Variants in NFIB observed in about 807,000 individuals in gnomAD.
The protein encoded by NFIB is nuclear factor 1 B-type.
In NFIB, 11 loss-of-function variants were observed where a neutral mutation model predicts 61.5. The observed-to-expected ratio is 0.18, with a 90% confidence interval of 0.11 to 0.30. The LOEUF is 0.30. Among genes scored for constraint, NFIB ranks in the 10% least tolerant of loss-of-function variants. The probability of loss-of-function intolerance (pLI) is 1.00; values close to 1 mark genes in which losing one functional copy is unlikely to be tolerated. For synonymous variants in NFIB, 260 were observed against 216.5 expected (o/e 1.20, Z -1.76); for missense variants, 471 against 608.9 (o/e 0.77, Z 2.38).
intron 1 of NFIB, among the ~76,000 whole-genome samples, chr9:14,373,786 T>A (rs193091766): frequency 6.6e-6 from 1 of 152,234 alleles, no homozygotes; most frequent in Admixed American, 6.5e-5. Flanking sequence ...GAATCTTATC[T>A]AACATTTGGG....
chr9:14,280,832 C>T (rs1038635908), intron 2 of NFIB, among the ~76,000 whole-genome samples: 4 of 151,896 alleles, frequency 2.6e-5, no homozygotes, highest in South Asian at 4.2e-4. Context: ...GACTACAGAC[C>T]GAACTGATAA....
chr9:14,383,782 G>A (rs2061517472), intron 1 of NFIB, among the ~76,000 whole-genome samples: 1 of 152,210 alleles, frequency 6.6e-6, no homozygotes, highest in Non-Finnish European at 1.5e-5. Flanking sequence ...CCACCTTGTG[G>A]AATGCAAACT....
chr9:14,176,225 T>C (rs2046172470), intron 3 of NFIB, among the ~76,000 whole-genome samples: 1 of 151,034 alleles, frequency 6.6e-6, no homozygotes, highest in Non-Finnish European at 1.5e-5. Flanking sequence ...AGGACATTTT[T>C]AGTTCTATTG....
chr9:14,496,211 A>C, the NFIB span, among the ~76,000 whole-genome samples: 2 of 152,232 alleles, frequency 1.3e-5, no homozygotes, highest in Non-Finnish European at 2.9e-5. Context: ...GAATATTTGC[A>C]TGTCTATAGT....
At chr9:14,349,141 T>C (rs1217855552) in intron 1 of NFIB, among the ~76,000 whole-genome samples, 4 of 152,230 alleles carry the variant, frequency 2.6e-5, no homozygotes, top group African/African-American at 9.6e-5. Context: ...TTAAACAATC[T>C]AACTGAATGG....
rs1160641423 is a variant in NFIB, at chr9:14,084,003, A to C, written c.*4306T>G. ...TTCGACATTCTGAAATGCTCTGGAA[A>C]CCAACTTTTCCAATACTAAATACAA... On this transcript the variant is annotated 3_prime_UTR_variant, in exon 11 of 11. Coordinates refer to ENST00000380953, the MANE Select transcript of NFIB (RefSeq NM_001190737.2). 1 of 217,664 alleles carries C rather than the reference A, an allele frequency of 4.6e-6. No homozygotes were observed. Among genetic ancestry groups the C allele is most frequent in the Non-Finnish European group, 9.2e-6 (1 of 108,132 alleles). 13.5% of individuals were successfully genotyped at this position (217,664 alleles called of 1,614,324 possible).
intron 2 of NFIB, among the ~76,000 whole-genome samples, chr9:14,209,692 C>G (rs549412248): frequency 6.6e-6 from 1 of 152,312 alleles, no homozygotes; most frequent in South Asian, 2.1e-4. Context: ...ATGCATCCTA[C>G]CACAACCCAA....
chr9:14,121,847 G>A (rs2038981772), intron 7 of NFIB, among the ~76,000 whole-genome samples: 1 of 152,020 alleles, frequency 6.6e-6, no homozygotes, highest in South Asian at 2.1e-4. Context: ...CTCAACATTA[G>A]TATTCTTATA....
In NFIB at chr9:14,250,628, G is replaced by C. The variant is rs117882883; in HGVS notation, c.562+56361C>G. The stretch of plus-strand genomic sequence containing the variant: ...TTATGTCATAGTTACCTAGAGAAAA[G>C]AGAGTATGCCTTAGGAAATATTCCA... On this transcript the variant is annotated intron_variant, in intron 2 of 10. Coordinates refer to ENST00000380953, the MANE Select transcript of NFIB (RefSeq NM_001190737.2). Among the ~76,000 whole-genome samples, 1,089 of 152,322 alleles carry C rather than the reference G, an allele frequency of 7.1e-3. 5 individuals carry two copies. Among genetic ancestry groups the C allele is most frequent in the Non-Finnish European group, 0.012 (795 of 68,028 alleles).
At chr9:14,316,042 C>G (rs1164579814), upstream of NFIB, among the ~76,000 whole-genome samples, 5 of 152,130 alleles carry the variant, frequency 3.3e-5, no homozygotes, top group Non-Finnish European at 7.4e-5. Context: ...TTTAGCCCCT[C>G]TCACTCCCTC....
chr9:14,427,937 G>GTTTTTTTTTTTTGTTTTTTTTTTT, the NFIB span, among the ~76,000 whole-genome samples: 3 of 43,384 alleles, frequency 6.9e-5, no homozygotes, highest in Non-Finnish European at 1.3e-4. Context: ...TAATTCAGTT[G>GTTTTTTTTTTTTGTTTTTTTTTTT]TTTTTTTTTT....
intron 3 of NFIB, among the ~76,000 whole-genome samples, chr9:14,174,978 T>C (rs564201226): frequency 2.9e-4 from 44 of 152,024 alleles, no homozygotes; most frequent in African/African-American, 9.2e-4. Context: ...CAAGCAAATA[T>C]CGGCTCTAGT....
At chr9:14,244,899 C>G (rs1028622478) in intron 2 of NFIB, among the ~76,000 whole-genome samples, 4 of 152,130 alleles carry the variant, frequency 2.6e-5, no homozygotes, top group African/African-American at 9.7e-5. Context: ...GCAGCATGTG[C>G]CTAATTTCTC....
chr9:14,191,704 G>T (rs531592351), intron 2 of NFIB, among the ~76,000 whole-genome samples: 1 of 152,266 alleles, frequency 6.6e-6, no homozygotes, highest in African/African-American at 2.4e-5. Flanking sequence ...TCAAACCTAT[G>T]TAATCTTAGA....
intron 1 of NFIB, among the ~76,000 whole-genome samples, chr9:14,382,902 C>A (rs1199293516): frequency 2.0e-5 from 3 of 152,072 alleles, no homozygotes; most frequent in Non-Finnish European, 4.4e-5. Flanking sequence ...GCAGAAAAAA[C>A]CATCCTGGTG....
At chr9:14,248,766 C>T (rs2055234481) in intron 2 of NFIB, among the ~76,000 whole-genome samples, 1 of 152,138 alleles carries the variant, frequency 6.6e-6, no homozygotes, top group African/African-American at 2.4e-5. Flanking sequence ...CAAGGAGATC[C>T]AGCCCAGGAA....
chr9:14,308,358 T>C (rs2060126172), intron 1 of NFIB, among the ~76,000 whole-genome samples: 1 of 152,030 alleles, frequency 6.6e-6, no homozygotes, highest in African/African-American at 2.4e-5. Flanking sequence ...ACTCTCCTGC[T>C]TTCTCACACA....
In NFIB at chr9:14,255,137, C is replaced by A. The variant is rs533472330; in HGVS notation, c.562+51852G>T. 3.3e-5 allele frequency among the ~76,000 whole-genome samples: 5 copies of A among 152,224 alleles called. No individual in the cohort carries two copies. In the South Asian group the frequency reaches 1.0e-3, roughly 32 times the overall value. On this transcript the variant is annotated intron_variant, in intron 2 of 10. Coordinates refer to ENST00000380953, the MANE Select transcript of NFIB (RefSeq NM_001190737.2). ...TCTTGGGAGGCTAAAGTTGGAGAATCACTTGAGCCCAGGAGTTCGAGGCTG... is the reference window on the plus strand; with the variant it reads ...TCTTGGGAGGCTAAAGTTGGAGAATAACTTGAGCCCAGGAGTTCGAGGCTG...
chr9:14,129,946 G>A (rs1258137728), intron 6 of NFIB, among the ~76,000 whole-genome samples: 1 of 152,200 alleles, frequency 6.6e-6, no homozygotes, highest in Admixed American at 6.5e-5. Context: ...GTTGCTGGTA[G>A]TTGAAGAGAA....
Sources: gnomAD v4.1 joint callset for allele counts (sites outside exome capture counted in the v4.1 genomes callset) on GRCh38, gnomAD v4.1.1 for gene constraint, MANE v1.5 for transcripts, NCBI Gene and HGNC (gene_info 2026-07-23, HGNC 2026-07-21) for gene names.